Variants in FHOD1 observed in about 807,000 individuals in gnomAD.
The protein encoded by FHOD1 is FH1/FH2 domain-containing protein 1.
A neutral mutation model predicts 111.6 loss-of-function variants in FHOD1; 89 were observed. The ratio of observed to expected loss-of-function variants is 0.80; its 90% CI spans 0.67 to 0.95. FHOD1 has a LOEUF of 0.95. FHOD1 is among the 40% of genes least tolerant of loss of function. FHOD1 has a pLI of 0.00. For missense variants in FHOD1, 1,446 were observed against 1,554.2 expected (o/e 0.93, Z 1.17); for synonymous variants, 618 against 639.0 (o/e 0.97, Z 0.50).
chr16:67,240,614 AT>A (rs1179057150), intron 1 of FHOD1, among the ~76,000 whole-genome samples: 1 of 152,242 alleles, frequency 6.6e-6, no homozygotes. Flanking sequence ...AAGCAGGCAC[AT>A]GCTCCATCCA....
At chr16:67,233,305 C>T (rs942981994) in intron 13 of FHOD1, among the ~76,000 whole-genome samples, 1 of 152,022 alleles carries the variant, frequency 6.6e-6, no homozygotes, top group South Asian at 2.1e-4. Flanking sequence ...AGGCTGGTCT[C>T]GAACTCCTGA....
Position 67,232,094 on chromosome 16 carries a change from A to G in FHOD1, c.2147T>C (p.Ile716Thr). The G allele has an allele frequency of 6.2e-7, 1 of 1,614,220 alleles. No individual in the cohort carries two copies. Among genetic ancestry groups the G allele is most frequent in the Non-Finnish European group, 8.5e-7 (1 of 1,180,036 alleles). Residue 716 changes from isoleucine (I) to threonine (T), a missense_variant, in exon 14 of 22, where the codon ATT becomes ACT. Transcript: ENST00000258201. The stretch of plus-strand genomic sequence containing the variant: ...ATCAAAGTTGAGCAGAGCAGCCTTA[A>G]TGACATGCACAGGTGGCAGTGTGGT... The part of the protein sequence containing the change: ...GLTTLPPVHV[I>T]KAALLNFDEF...
In FHOD1 at chr16:67,231,436, G is replaced by C. The variant is rs1234576290; in HGVS notation, c.2499C>G (p.Gly833=). 6.2e-7 allele frequency: 1 copy of C among 1,614,042 alleles called. No individual in the cohort carries two copies. The highest frequency in any genetic ancestry group is 1.3e-5 in the African/African-American group (1 of 74,920). ...TLLAVGNFLN[G]SQSSGFELSY... Reference sequence around the variant, plus strand: ...CCCATGTACTCTCACTCACCTGGGAGCCATTGAGGAAGTTGCCCACCGCTA... The same window carrying C: ...CCCATGTACTCTCACTCACCTGGGACCCATTGAGGAAGTTGCCCACCGCTA... The change falls in exon 16 of 22, where the codon GGC becomes GGG. Residue 833 remains glycine, a synonymous_variant. Coordinates refer to ENST00000258201, the MANE Select transcript of FHOD1 (RefSeq NM_013241.3). This position sits in a 1 kb window ranked among gnomAD's most constrained non-coding sequence, Gnocchi z 4.3.
At chr16:67,243,269 G>C (rs1034504915) in intron 1 of FHOD1, among the ~76,000 whole-genome samples, 6 of 152,100 alleles carry the variant, frequency 3.9e-5, no homozygotes, top group African/African-American at 1.4e-4. Flanking sequence ...TCTCCAACTA[G>C]AGTGTGACTT....
At position 67,247,359 on chromosome 16, in the gene FHOD1, C is replaced by G; in HGVS notation, c.52G>C (p.Val18Leu). Residue 18 changes from valine (V) to leucine (L), a missense_variant, in exon 1 of 22, where the codon GTG becomes CTG. Val to Leu is a conservative substitution (Grantham distance 32). Transcript: ENST00000258201. ...GTGTCTTCCAGGTACTGCACCCTCACGGTCACCACTGATACCGGCTCTCCG... is the reference window on the plus strand; with the variant it reads ...GTGTCTTCCAGGTACTGCACCCTCAGGGTCACCACTGATACCGGCTCTCCG... ...GDGEPVSVVT[V>L]RVQYLEDTDP... 6.2e-7 allele frequency: 1 copy of G among 1,613,638 alleles called. No individual in the cohort carries two copies. The highest frequency in any genetic ancestry group is 8.5e-7 in the Non-Finnish European group (1 of 1,179,816).
intron 21 of FHOD1, 22 bp downstream of exon 21, chr16:67,229,771 G>C: frequency 6.2e-7 from 1 of 1,614,156 alleles, no homozygotes; most frequent in Non-Finnish European, 8.5e-7. Flanking sequence ...GGTGGGCAGT[G>C]GGATTGTGGG....
At position 67,238,564 on chromosome 16, in the gene FHOD1, A is replaced by T; in HGVS notation, c.374-117T>A. ...TCTAATATATATGTTTTGGTCTGAG[A>T]GACAGGGTCTCACTCTGTCACTCAG... On this transcript the variant is annotated intron_variant, in intron 3 of 21. Transcript: ENST00000258201. This position sits in a 1 kb window ranked among gnomAD's most constrained non-coding sequence, Gnocchi z 4.2. The T allele has an allele frequency of 3.9e-6, 4 of 1,022,414 alleles. No individual in the cohort carries two copies. The highest frequency in any genetic ancestry group is 2.6e-5 in the East Asian group (1 of 38,378). The allele number at this position is 1,022,414 out of a possible 1,614,324, so 63.3% of individuals were successfully genotyped here.
At chr16:67,236,470 A>G in intron 11 of FHOD1, 87 bp downstream of exon 11, 1 of 1,552,942 alleles carries the variant, frequency 6.4e-7, no homozygotes, top group African/African-American at 1.4e-5. Context: ...GCGTTTGGGC[A>G]GAGGAGGCTG....
At chr16:67,232,016 C>A (rs773482015) in intron 14 of FHOD1, 23 bp downstream of exon 14, 3 of 1,613,098 alleles carry the variant, frequency 1.9e-6, no homozygotes, top group Non-Finnish European at 2.5e-6. Context: ...CTCCCCCCAA[C>A]ACCCATAGCT....
At chr16:67,229,759 C>G (rs199940256) in intron 21 of FHOD1, 34 bp downstream of exon 21, 3 of 1,614,100 alleles carry the variant, frequency 1.9e-6, no homozygotes, top group Non-Finnish European at 2.5e-6. Context: ...TGATGGGGTT[C>G]AGGTGGGCAG....
At chr16:67,236,281 G>C in intron 11 of FHOD1, 1 of 959,210 alleles carries the variant, frequency 1.0e-6, no homozygotes, top group Middle Eastern at 3.7e-4. Flanking sequence ...AGCAGAACAA[G>C]GGAGTGACAG....
Position 67,233,818 on chromosome 16 carries a change from G to A in FHOD1, c.1885C>T (p.Leu629Phe). ...ALPTKRKTVK[L>F]FWRELKLAGG... ...GCCAGCTTCAGCTCACGCCAGAAAAGTTTTACTGTCTTCCTCTTAGTGGGG... is the reference window on the plus strand; with the variant it reads ...GCCAGCTTCAGCTCACGCCAGAAAAATTTTACTGTCTTCCTCTTAGTGGGG... The change falls in exon 13 of 22, where the codon CTT (leucine) becomes TTT (phenylalanine). Residue 629 changes from leucine to phenylalanine, a missense_variant. Around this residue, in one of 3 missense-constraint regions of FHOD1, gnomAD observed 1,085 missense variants for 1,108.8 expected, o/e 0.98. Transcript: ENST00000258201. The A allele has an allele frequency of 1.2e-6, 2 of 1,613,410 alleles. No homozygotes were observed. Among genetic ancestry groups the A allele is most frequent in the Non-Finnish European group, 1.7e-6 (2 of 1,179,848 alleles).
intron 11 of FHOD1, chr16:67,236,031 C>T (rs1171019103): frequency 7.1e-6 from 7 of 984,820 alleles, no homozygotes; most frequent in African/African-American, 3.5e-5. Flanking sequence ...CCTGGCCTGC[C>T]CAGGAGGGGA....
chr16:67,235,986 C>T, intron 11 of FHOD1: 1 of 973,394 alleles, frequency 1.0e-6, no homozygotes, highest in Non-Finnish European at 1.2e-6. Flanking sequence ...GAGCACATGG[C>T]AGGCCTGGCA....
At chr16:67,241,794 T>G (rs2034675364) in intron 1 of FHOD1, among the ~76,000 whole-genome samples, 1 of 152,174 alleles carries the variant, frequency 6.6e-6, no homozygotes, top group African/African-American at 2.4e-5. Flanking sequence ...CACCCAGGTA[T>G]AAGGTTGGGT....
chr16:67,231,274 G>T lies in FHOD1; in HGVS notation c.2581C>A (p.His861Asn). The T allele has an allele frequency of 6.2e-7, 1 of 1,614,166 alleles. No individual in the cohort carries two copies. ...TGGAGCACTAGGGAGCAGAGATGGT[G>T]TAGCAGTGACTGTCGACGCACCGTG... Reference protein sequence around the residue: ...KDTVRRQSLLHHLCSLVLQTR... With the variant: ...KDTVRRQSLLNHLCSLVLQTR... Residue 861 changes from histidine (H) to asparagine (N), a missense_variant, in exon 17 of 22, where the codon CAC (histidine) becomes AAC (asparagine). Around this residue, in one of 3 missense-constraint regions of FHOD1, gnomAD observed 1,085 missense variants for 1,108.8 expected, o/e 0.98. Transcript: ENST00000258201. The surrounding 1 kb of genome is among the most constrained non-coding windows in gnomAD (Gnocchi z 4.3).
chr16:67,230,009 CA>C lies in FHOD1; in HGVS notation c.3215-20del, dbSNP rs775142945. 1 of 1,613,274 alleles carries C rather than the reference CA, an allele frequency of 6.2e-7. No homozygotes were observed. Among genetic ancestry groups the C allele is most frequent in the Non-Finnish European group, 8.5e-7 (1 of 1,179,280 alleles). On this transcript the variant is annotated intron_variant, in intron 20 of 21. Transcript: ENST00000258201. ...ACCATGCCTGAGGAAGGCCAGATAG[CA>C]AAGTCAGGCCAAGGTGGCACTGGAG...
chr16:67,244,109 C>T (rs1261275478), intron 1 of FHOD1, among the ~76,000 whole-genome samples: 2 of 152,176 alleles, frequency 1.3e-5, no homozygotes, highest in African/African-American at 4.8e-5. Flanking sequence ...AACAAAGTTG[C>T]TAGTAATGAC....
intron 1 of FHOD1, among the ~76,000 whole-genome samples, chr16:67,241,897 G>C (rs1004008488): frequency 2.6e-5 from 4 of 152,184 alleles, no homozygotes; most frequent in Admixed American, 2.6e-4. Context: ...AATCCCAAGA[G>C]AGCAGAGAAT....
Sources: gnomAD v4.1 joint callset for allele counts (sites outside exome capture counted in the v4.1 genomes callset) on GRCh38, gnomAD v4.1.1 for gene constraint, gnomAD v4.1.1 regional missense constraint, Gnocchi (gnomAD v3.1) non-coding constraint, MANE v1.5 for transcripts, NCBI Gene and HGNC (gene_info 2026-07-23, HGNC 2026-07-21) for gene names.